UTP18: variants seen among roughly 807,000 people sequenced by gnomAD.
The protein encoded by UTP18 is UTP18 small subunit processome component, also known as U3 small nucleolar RNA-associated protein 18 homolog.
Under a neutral mutation model 61.1 loss-of-function variants are expected in UTP18, and 36 were observed. The ratio of observed to expected loss-of-function variants is 0.59; its 90% confidence interval spans 0.45 to 0.78. The LOEUF (loss-of-function observed/expected upper bound fraction) is 0.78. UTP18 is among the 30% of genes least tolerant of loss of function. The pLI is 0.00. For missense variants in UTP18, 753 were observed against 693.9 expected, an observed-to-expected ratio of 1.09 and a Z score of -0.96; for synonymous variants, 282 against 251.1, an observed-to-expected ratio of 1.12 and a Z score of -1.16.
At chr17:51,278,311 C>T (rs1421183610) in intron 7 of UTP18, among the ~76,000 whole-genome samples, 2 of 152,196 alleles carry the variant, frequency 1.3e-5, no homozygotes, top group Non-Finnish European at 2.9e-5. Context: ...GATGGTGATA[C>T]TGTGTGGTCC....
intron 11 of UTP18, among the ~76,000 whole-genome samples, chr17:51,290,023 G>A (rs1175229761): frequency 6.6e-6 from 1 of 152,150 alleles, no homozygotes; most frequent in East Asian, 1.9e-4. Flanking sequence ...GGCATGTAGG[G>A]CAAGGAGGAG....
chr17:51,278,908 G>T (rs539122571), intron 7 of UTP18, among the ~76,000 whole-genome samples: 1 of 152,200 alleles, frequency 6.6e-6, no homozygotes, highest in South Asian at 2.1e-4. Flanking sequence ...ATAATATTGG[G>T]GAGCATGAGT....
intron 5 of UTP18, among the ~76,000 whole-genome samples, 195 bp downstream of exon 5, chr17:51,273,645 C>T (rs1368757728): frequency 1.4e-5 from 2 of 146,400 alleles, no homozygotes; most frequent in Non-Finnish European, 3.0e-5. Context: ...GTATTATGTT[C>T]CTATTGCTTG....
chr17:51,273,445 T>C lies in UTP18; in HGVS notation c.706T>C (p.Leu236=). The C allele has an allele frequency of 1.2e-6, 2 of 1,608,900 alleles. No homozygotes were observed. Among genetic ancestry groups the C allele is most frequent in the Non-Finnish European group, 1.7e-6 (2 of 1,177,610 alleles). The change falls in exon 5 of 14, where the codon TTG becomes CTG. Residue 236 remains leucine, a synonymous_variant. Coordinates refer to ENST00000225298, the MANE Select transcript of UTP18 (RefSeq NM_016001.3). ...ATCAACTTCTCTTCCAAGAGGAATCTTGAAGGTGAGAGTCAGTGAAGTTGG... is the reference window on the plus strand; with the variant it reads ...ATCAACTTCTCTTCCAAGAGGAATCCTGAAGGTGAGAGTCAGTGAAGTTGG... ...STSTSLPRGI[L]KMKNCQHANA... is the part of the protein sequence containing the mutation.
intron 4 of UTP18, among the ~76,000 whole-genome samples, chr17:51,272,229 G>C (rs1375226371): frequency 6.6e-6 from 1 of 152,062 alleles, no homozygotes; most frequent in Non-Finnish European, 1.5e-5. Context: ...CTCCCAAGTA[G>C]CTGGGATTAC....
chr17:51,266,543 A>C (rs1196940247), intron 3 of UTP18, among the ~76,000 whole-genome samples: 1 of 152,242 alleles, frequency 6.6e-6, no homozygotes, highest in African/African-American at 2.4e-5. Flanking sequence ...GGTACACCAT[A>C]ATTTTATAAT....
At chr17:51,281,141 A>AATATATAT (rs1376077993) in intron 9 of UTP18, among the ~76,000 whole-genome samples, 1 of 144,532 alleles carries the variant, frequency 6.9e-6, no homozygotes, top group Non-Finnish European at 1.5e-5. Flanking sequence ...CACGTCTCAA[A>AATATATAT]ATATATATAT....
At chr17:51,272,851 T>G (rs1904573614) in intron 4 of UTP18, among the ~76,000 whole-genome samples, 2 of 152,200 alleles carry the variant, frequency 1.3e-5, no homozygotes, top group South Asian at 4.1e-4. Flanking sequence ...CTTAGCTGTC[T>G]CCACTGGAAT....
intron 1 of UTP18, 96 bp from the exon 2 acceptor site, chr17:51,263,178 A>G: frequency 1.0e-6 from 1 of 985,234 alleles, no homozygotes; most frequent in Non-Finnish European, 1.5e-6. Flanking sequence ...GAGTGGTAGA[A>G]AAAACATTCT....
chr17:51,268,925 T>G, intron 4 of UTP18, 21 bp downstream of exon 4: 1 of 1,608,606 alleles, frequency 6.2e-7, no homozygotes, highest in Non-Finnish European at 8.5e-7. Flanking sequence ...ATATTTCTGT[T>G]TAAATTAGTA....
At chr17:51,279,162 A>G (rs561690170) in intron 7 of UTP18, among the ~76,000 whole-genome samples, 1 of 152,350 alleles carries the variant, frequency 6.6e-6, no homozygotes, top group South Asian at 2.1e-4. Flanking sequence ...TCTACTATGT[A>G]GAAATGAATG....
intron 3 of UTP18, 105 bp from the exon 4 acceptor site, chr17:51,268,732 C>T (rs1904397516): frequency 3.5e-6 from 3 of 851,362 alleles, no homozygotes; most frequent in Admixed American, 4.2e-5. Context: ...GAAGAGAGTC[C>T]ATACGTATTC....
At chr17:51,262,132 A>G (rs2055508035) in intron 1 of UTP18, among the ~76,000 whole-genome samples, 1 of 150,912 alleles carries the variant, frequency 6.6e-6, no homozygotes, top group Non-Finnish European at 1.5e-5. Flanking sequence ...CCCAGGCTGG[A>G]GTGCAGTGGC....
intron 7 of UTP18, 21 bp downstream of exon 7, chr17:51,277,325 A>G (rs1904764533): frequency 6.2e-7 from 1 of 1,611,904 alleles, no homozygotes; most frequent in Non-Finnish European, 8.5e-7. Context: ...TGTTGAATGC[A>G]CACAACCAGT....
intron 10 of UTP18, 41 bp downstream of exon 10, chr17:51,285,409 C>G (rs1305447780): frequency 1.3e-6 from 2 of 1,597,478 alleles, no homozygotes; most frequent in African/African-American, 2.7e-5. Flanking sequence ...TCACATTGTG[C>G]TAATGAGAAT....
At chr17:51,277,049 C>T in intron 6 of UTP18, 81 bp from the exon 7 acceptor site, 1 of 1,419,362 alleles carries the variant, frequency 7.0e-7, no homozygotes, top group South Asian at 1.4e-5. Flanking sequence ...TTTAAATGAA[C>T]ACTTGTAGTG....
intron 1 of UTP18, among the ~76,000 whole-genome samples, chr17:51,261,961 A>T (rs1036084530): frequency 6.6e-6 from 1 of 152,128 alleles, no homozygotes; most frequent in Non-Finnish European, 1.5e-5. Context: ...CAGTGTACGG[A>T]GGTGGGAGCT....
intron 5 of UTP18, among the ~76,000 whole-genome samples, chr17:51,274,436 T>TTTTG (rs540093460): frequency 1.3e-5 from 2 of 152,264 alleles, no homozygotes; most frequent in South Asian, 2.1e-4. Context: ...CATAGATATC[T>TTTTG]TTTGTTTGTT....
intron 2 of UTP18, among the ~76,000 whole-genome samples, chr17:51,263,623 A>G (rs7211731): frequency 0.11 from 16,724 of 152,150 alleles, 1,476 homozygotes; most frequent in African/African-American, 0.23. Flanking sequence ...CTAAGAGAAT[A>G]CAGTGTTTGA....
Sources: gnomAD v4.1 joint callset for allele counts (sites outside exome capture counted in the v4.1 genomes callset) on GRCh38, gnomAD v4.1.1 for gene constraint, MANE v1.5 for transcripts, NCBI Gene and HGNC (gene_info 2026-07-23, HGNC 2026-07-21) for gene names.